GRIA1: variants seen among roughly 807,000 people sequenced by gnomAD.
GRIA1 encodes glutamate ionotropic receptor AMPA type subunit 1.
In GRIA1, 31 loss-of-function variants were observed where a neutral mutation model predicts 99.2. The ratio of observed to expected loss-of-function variants is 0.31; its 90% CI spans 0.23 to 0.42. GRIA1 has a LOEUF of 0.42. Ranked by LOEUF, GRIA1 falls within the 10% of genes least tolerant of loss-of-function variation. The pLI is 1.00. For synonymous variants in GRIA1, 438 were observed against 432.4 expected (o/e 1.01, Z -0.16); for missense variants, 782 against 1,157.5 (o/e 0.68, Z 4.71).
rs553171850 is a variant in GRIA1, at chr5:153,673,884, G to C, written c.700-616G>C. 1.1e-4 allele frequency among the ~76,000 whole-genome samples: 16 copies of C among 152,274 alleles called. No homozygotes were observed. In the South Asian group the frequency reaches 3.3e-3, roughly 32 times the overall value. On this transcript the variant is annotated intron_variant, in intron 5 of 15. Coordinates refer to ENST00000285900, the MANE Select transcript of GRIA1 (RefSeq NM_000827.4). ...TTGCTGGAATTGATCAGGCCTCATG[G>C]AGTGGTGAAAATTTACCCTGTTGTA...
At chr5:153,615,518 C>T (rs953972522) in intron 2 of GRIA1, among the ~76,000 whole-genome samples, 1 of 152,148 alleles carries the variant, frequency 6.6e-6, no homozygotes, top group African/African-American at 2.4e-5. Flanking sequence ...GTGGCCTGTG[C>T]CTGTAATTCC....
At chr5:153,796,456 C>A (rs997423943) in intron 14 of GRIA1, among the ~76,000 whole-genome samples, 2 of 152,056 alleles carry the variant, frequency 1.3e-5, no homozygotes, top group Non-Finnish European at 2.9e-5. Context: ...ATAATGACAA[C>A]AAAAAAATAT....
At chr5:153,497,319 T>C (rs1754538906) in intron 2 of GRIA1, among the ~76,000 whole-genome samples, 1 of 152,182 alleles carries the variant, frequency 6.6e-6, no homozygotes, top group East Asian at 1.9e-4. Context: ...TTGTGGTAAG[T>C]GTAAATAAAG....
intron 12 of GRIA1, among the ~76,000 whole-genome samples, chr5:153,768,925 A>C (rs1763699598): frequency 6.6e-6 from 1 of 152,192 alleles, no homozygotes; most frequent in Admixed American, 6.5e-5. Flanking sequence ...CCTTTGGGAA[A>C]AGGTCACCGT....
At chr5:153,638,957 T>G (rs1031826005) in intron 2 of GRIA1, among the ~76,000 whole-genome samples, 2 of 152,174 alleles carry the variant, frequency 1.3e-5, no homozygotes, top group African/African-American at 4.8e-5. Flanking sequence ...GCAGGAGGCC[T>G]GTGCAGGCTG....
intron 5 of GRIA1, among the ~76,000 whole-genome samples, chr5:153,656,383 T>TATATATATATATATATA (rs1754951606): frequency 4.0e-4 from 37 of 92,632 alleles, no homozygotes; most frequent in South Asian, 6.8e-4. Context: ...ATAAGTTTGT[T>TATATATATATATATATA]TATATATATA....
In GRIA1 at chr5:153,627,627, G is replaced by A. The variant is rs185538694; in HGVS notation, c.221-19301G>A. Reference sequence around the variant, plus strand: ...AGTGAATTCTAATGAGGTAAAAGTGGGCAGGTCTCTACTGGAGGAGAGAGG... The same window carrying A: ...AGTGAATTCTAATGAGGTAAAAGTGAGCAGGTCTCTACTGGAGGAGAGAGG... On this transcript the variant is annotated intron_variant, in intron 2 of 15. Coordinates refer to ENST00000285900, the MANE Select transcript of GRIA1 (RefSeq NM_000827.4). Among the ~76,000 whole-genome samples, 602 of 152,278 alleles carry A rather than the reference G, an allele frequency of 4.0e-3. 2 individuals carry two copies. The highest frequency in any genetic ancestry group is 5.4e-3 in the Non-Finnish European group (368 of 68,018).
intron 11 of GRIA1, among the ~76,000 whole-genome samples, chr5:153,750,495 A>C (rs1214563585): frequency 1.3e-5 from 2 of 152,282 alleles, no homozygotes; most frequent in Non-Finnish European, 1.5e-5. Flanking sequence ...AAGAATGTCC[A>C]TATCCAACTC....
At chr5:153,703,939 T>G (rs781019733) in intron 10 of GRIA1, among the ~76,000 whole-genome samples, 1 of 152,188 alleles carries the variant, frequency 6.6e-6, no homozygotes, top group East Asian at 1.9e-4. Context: ...TTTCTGTTGG[T>G]TTACAAACAA....
At chr5:153,522,005 A>T (rs1042307307) in intron 2 of GRIA1, among the ~76,000 whole-genome samples, 4 of 152,244 alleles carry the variant, frequency 2.6e-5, no homozygotes, top group Admixed American at 6.5e-5. Context: ...ACCCTTCAAA[A>T]GACTGTAGGA....
At chr5:153,652,772 A>G (rs964624615) in intron 4 of GRIA1, among the ~76,000 whole-genome samples, 2 of 152,222 alleles carry the variant, frequency 1.3e-5, no homozygotes, top group South Asian at 2.1e-4. Context: ...CTTACATTTT[A>G]TAGATAGAAT....
chr5:153,660,686 A>G (rs936378707), intron 5 of GRIA1, among the ~76,000 whole-genome samples: 6 of 152,150 alleles, frequency 3.9e-5, no homozygotes, highest in African/African-American at 1.2e-4. Flanking sequence ...AGGTACTCAT[A>G]TTGGCAATCG....
rs774151475 is a variant in GRIA1, at chr5:153,762,104, C to T, written c.1824-2330C>T. Among the ~76,000 whole-genome samples the T allele has an allele frequency of 3.9e-5, 6 of 152,022 alleles. No homozygotes were observed. The East Asian group carries it at 7.7e-4, about 20-fold the overall frequency. ...GAATAAGTTCTTGTGTTCTATTGCA[C>T]GGTAGGGTGACTATATTTAACAATA... is the stretch of plus-strand genomic sequence containing the variant. On this transcript the variant is annotated intron_variant, in intron 11 of 15. Coordinates refer to ENST00000285900, the MANE Select transcript of GRIA1 (RefSeq NM_000827.4).
chr5:153,688,135 A>G (rs1757468636), intron 8 of GRIA1, among the ~76,000 whole-genome samples: 1 of 152,134 alleles, frequency 6.6e-6, no homozygotes, highest in Non-Finnish European at 1.5e-5. Context: ...CTCGCTAACC[A>G]CAGCCTTCCA....
At chr5:153,566,265 G>A (rs1016861837) in intron 2 of GRIA1, among the ~76,000 whole-genome samples, 5 of 110,140 alleles carry the variant, frequency 4.5e-5, no homozygotes, top group Non-Finnish European at 7.5e-5. Context: ...TGGTTATTTT[G>A]TATATCTTCT....
At position 153,500,520 on chromosome 5, in the gene GRIA1, G is replaced by A. The variant is rs529977604; in HGVS notation, c.220+6455G>A. 2.0e-5 allele frequency among the ~76,000 whole-genome samples: 3 copies of A among 151,030 alleles called. No homozygotes were observed. In the South Asian group the frequency reaches 6.3e-4, roughly 32 times the overall value. ...ATTAGGCATTGATTTTCCTCTTAAG[G>A]GGCTCAGGTTCTTATAAAGGAAATA... On this transcript the variant is annotated intron_variant, in intron 2 of 15. Coordinates refer to ENST00000285900, the MANE Select transcript of GRIA1 (RefSeq NM_000827.4).
intron 11 of GRIA1, among the ~76,000 whole-genome samples, chr5:153,763,796 T>A (rs1002390998): frequency 1.3e-5 from 2 of 152,258 alleles, no homozygotes; most frequent in African/African-American, 4.8e-5. Flanking sequence ...TGCCTTTTTT[T>A]ATCTTTTTTA....
intron 11 of GRIA1, among the ~76,000 whole-genome samples, chr5:153,753,819 G>A (rs569748976): frequency 1.2e-4 from 18 of 152,256 alleles, no homozygotes; most frequent in African/African-American, 3.6e-4. Context: ...GATCACAGCT[G>A]TTTCTTCCCT....
intron 11 of GRIA1, among the ~76,000 whole-genome samples, chr5:153,754,791 G>A (rs1762717380): frequency 6.6e-6 from 1 of 152,172 alleles, no homozygotes; most frequent in Non-Finnish European, 1.5e-5. Context: ...TTACTAATGA[G>A]GGCCTGCTCC....
Sources: gnomAD v4.1 joint callset for allele counts (sites outside exome capture counted in the v4.1 genomes callset) on GRCh38, gnomAD v4.1.1 for gene constraint, MANE v1.5 for transcripts, NCBI Gene and HGNC (gene_info 2026-07-23, HGNC 2026-07-21) for gene names.